The following PLCE1 variants were observed in gnomAD, a reference collection of about 807,000 sequenced individuals.
PLCE1 encodes phospholipase C epsilon 1.
In PLCE1, 119 loss-of-function variants were observed where a neutral mutation model predicts 242.8. The observed-to-expected ratio is 0.49, with a 90% CI of 0.42 to 0.57. The LOEUF is 0.57. Ranked by LOEUF, PLCE1 falls within the 20% of genes least tolerant of loss-of-function variation. The probability of loss-of-function intolerance (pLI) is 0.00; values close to 1 mark genes in which losing one functional copy is unlikely to be tolerated. For synonymous variants in PLCE1, 945 were observed against 1,017.4 expected (o/e 0.93, Z 1.35); for missense variants, 2,441 against 2,788.8 (o/e 0.88, Z 2.81).
At position 94,324,417 on chromosome 10, in the gene PLCE1, G is replaced by C. The variant is rs2053934798; in HGVS notation, c.6570G>C (p.Leu2190Phe). 1 of 1,614,036 alleles carries C rather than the reference G, an allele frequency of 6.2e-7. No individual in the cohort carries two copies. Among genetic ancestry groups the C allele is most frequent in the African/African-American group, 1.3e-5 (1 of 74,914 alleles). The change falls in exon 31 of 33, where the codon TTG becomes TTC. Residue 2190 changes from leucine (L) to phenylalanine (F), a missense_variant. Leu to Phe is a conservative substitution (Grantham distance 22). Transcript: ENST00000371380. Reference protein sequence around the residue: ...SNPNPSDYVLLEEVVKDTTNK... With the variant: ...SNPNPSDYVLFEEVVKDTTNK... ...CCAATCCAAGCGACTATGTGCTTTT[G>C]GAAGAGGTGGTGAAAGACACTACCA... is the stretch of plus-strand genomic sequence containing the variant.
chr10:94,171,412 C>T lies in PLCE1; in HGVS notation c.1725C>T (p.Leu575=), dbSNP rs963271909. The change falls in exon 4 of 33, where the codon CTC becomes CTT. Residue 575 remains leucine, a synonymous_variant. Transcript: ENST00000371380. ...AATGCCAGAGCTCCTTGCCCTGCCT[C>T]AAAGCATCCATCTCAGCGTCGATTC... ...TPECQSSLPC[L]KASISASILT... The T allele has an allele frequency of 2.5e-6, 4 of 1,614,162 alleles. No homozygotes were observed. Among genetic ancestry groups the T allele is most frequent in the Non-Finnish European group, 2.5e-6 (3 of 1,180,010 alleles).
intron 2 of PLCE1, among the ~76,000 whole-genome samples, chr10:94,086,536 A>G (rs908978983): frequency 1.4e-4 from 21 of 152,348 alleles, no homozygotes; most frequent in Admixed American, 1.3e-3. Context: ...TCTCTCTTGC[A>G]GCTGAATTAC....
chr10:94,027,490 G>T (rs990331478), intron 1 of PLCE1, among the ~76,000 whole-genome samples: 5 of 152,178 alleles, frequency 3.3e-5, no homozygotes, highest in Admixed American at 1.3e-4. Context: ...CGATGTCTGT[G>T]TATATCCTCA....
At position 94,207,851 on chromosome 10, in the gene PLCE1, C is replaced by T. The variant is rs1404682650; in HGVS notation, c.1810-19455C>T. Among the ~76,000 whole-genome samples the T allele has an allele frequency of 5.9e-5, 9 of 151,786 alleles. No individual in the cohort carries two copies. The South Asian group carries it at 6.3e-4, about 11-fold the overall frequency. The stretch of plus-strand genomic sequence containing the variant: ...CATTTGAGCTTCAAAATAAATAAAG[C>T]GAGTAATGGATTCCAATATAGTGAA... On this transcript the variant is annotated intron_variant, in intron 4 of 32. Transcript: ENST00000371380.
At chr10:94,295,673 T>C (rs2052788324) in intron 23 of PLCE1, among the ~76,000 whole-genome samples, 1 of 152,214 alleles carries the variant, frequency 6.6e-6, no homozygotes, top group African/African-American at 2.4e-5. Flanking sequence ...ACCAGATCCA[T>C]CAGAGGAATC....
At chr10:94,172,703 A>T (rs2048021980) in intron 4 of PLCE1, among the ~76,000 whole-genome samples, 1 of 152,218 alleles carries the variant, frequency 6.6e-6, no homozygotes, top group African/African-American at 2.4e-5. Flanking sequence ...GCACACCTGC[A>T]GTCCCAGCTA....
chr10:94,180,264 A>AT (rs2048271465), intron 4 of PLCE1, among the ~76,000 whole-genome samples: 1 of 152,186 alleles, frequency 6.6e-6, no homozygotes. Context: ...ATGTGTAAAA[A>AT]TGTTGACCTG....
chr10:94,169,494 C>T (rs2047905613), intron 3 of PLCE1, among the ~76,000 whole-genome samples: 2 of 152,010 alleles, frequency 1.3e-5, no homozygotes, highest in Non-Finnish European at 2.9e-5. Flanking sequence ...GAAACACATG[C>T]CATTCTCAGG....
intron 1 of PLCE1, among the ~76,000 whole-genome samples, chr10:94,004,996 T>C (rs979044582): frequency 1.3e-5 from 2 of 152,258 alleles, no homozygotes; most frequent in Non-Finnish European, 2.9e-5. Context: ...ATTTTGACGA[T>C]GTTTTGTTAA....
At chr10:94,271,588 A>G (rs979184131) in intron 18 of PLCE1, among the ~76,000 whole-genome samples, 1 of 152,034 alleles carries the variant, frequency 6.6e-6, no homozygotes, top group African/African-American at 2.4e-5. Flanking sequence ...TGCTGGGATT[A>G]CATACGTGAG....
At position 94,306,742 on chromosome 10, in the gene PLCE1, C is replaced by T; in HGVS notation, c.5884+54C>T. The T allele has an allele frequency of 7.5e-7, 1 of 1,335,900 alleles. No individual in the cohort carries two copies. The highest frequency in any genetic ancestry group is 1.1e-6 in the Non-Finnish European group (1 of 945,954). The allele number at this position is 1,335,900 out of a possible 1,614,324, so 82.8% of individuals were successfully genotyped here. ...ATTGTTGTAGCTAGGTGATGGATGCCAGAATTTCCTTATACTCTTCTCTCT... is the reference window on the plus strand; with the variant it reads ...ATTGTTGTAGCTAGGTGATGGATGCTAGAATTTCCTTATACTCTTCTCTCT... On this transcript the variant is annotated intron_variant, in intron 26 of 32. Transcript: ENST00000371380. This position sits in a 1 kb window ranked among gnomAD's most constrained non-coding sequence, Gnocchi z 5.7.
intron 5 of PLCE1, among the ~76,000 whole-genome samples, chr10:94,229,716 C>A (rs756467360): frequency 1.8e-4 from 27 of 152,162 alleles, no homozygotes; most frequent in Non-Finnish European, 3.5e-4. Flanking sequence ...GACCATAGAA[C>A]CTGGTGATTT....
At chr10:94,018,088 A>G (rs937470134) in intron 1 of PLCE1, among the ~76,000 whole-genome samples, 18 of 152,198 alleles carry the variant, frequency 1.2e-4, no homozygotes, top group African/African-American at 4.1e-4. Flanking sequence ...CTTCTAGAGT[A>G]CTGGTTTGAA....
chr10:94,252,545 C>T (rs769901578), intron 9 of PLCE1, 47 bp downstream of exon 9: 30 of 1,483,006 alleles, frequency 2.0e-5, no homozygotes, highest in East Asian at 4.7e-5. Context: ...CTTCCAGGAC[C>T]GCTGTATGGT....
At chr10:94,263,931 G>A (rs556029073) in intron 14 of PLCE1, among the ~76,000 whole-genome samples, 3 of 152,102 alleles carry the variant, frequency 2.0e-5, no homozygotes, top group Non-Finnish European at 2.9e-5. Context: ...TCTAGAACAT[G>A]CAACAGATTT....
intron 4 of PLCE1, among the ~76,000 whole-genome samples, chr10:94,202,478 C>T (rs912162170): frequency 6.6e-6 from 1 of 152,142 alleles, no homozygotes; most frequent in Non-Finnish European, 1.5e-5. Flanking sequence ...AAGAACTTTA[C>T]CACCACCCCC....
intron 3 of PLCE1, among the ~76,000 whole-genome samples, chr10:94,141,670 G>GA (rs367685465): frequency 0.93 from 99,884 of 106,894 alleles, 48,060 homozygotes; most frequent in South Asian, 0.99. Flanking sequence ...GGGAGGGAGG[G>GA]AGGAAAGAAA....
intron 8 of PLCE1, among the ~76,000 whole-genome samples, chr10:94,249,586 C>G (rs1461653698): frequency 6.6e-6 from 1 of 152,020 alleles, no homozygotes; most frequent in Non-Finnish European, 1.5e-5. Context: ...TTAGAATTTC[C>G]TTATGTAGTA....
intron 4 of PLCE1, among the ~76,000 whole-genome samples, chr10:94,181,663 G>GT (rs1161876686): frequency 6.6e-6 from 1 of 152,164 alleles, no homozygotes; most frequent in African/African-American, 2.4e-5. Context: ...AATCCTAGTA[G>GT]TTTAGGCATC....
Sources: gnomAD v4.1 joint callset for allele counts (sites outside exome capture counted in the v4.1 genomes callset) on GRCh38, gnomAD v4.1.1 for gene constraint, Gnocchi (gnomAD v3.1) non-coding constraint, MANE v1.5 for transcripts, NCBI Gene and HGNC (gene_info 2026-07-23, HGNC 2026-07-21) for gene names.